The following ADCY8 variants were observed in gnomAD, a reference collection of about 807,000 sequenced individuals.
ADCY8 encodes adenylate cyclase 8.
A neutral mutation model predicts 119.7 loss-of-function variants in ADCY8; 51 were observed. The ratio of observed to expected loss-of-function variants is 0.43; its 90% confidence interval spans 0.34 to 0.54. The LOEUF is 0.54. Among genes scored for constraint, ADCY8 ranks in the 20% least tolerant of loss-of-function variants. ADCY8 has a pLI of 0.03. For synonymous variants in ADCY8, 665 were observed against 651.0 expected, an observed-to-expected ratio of 1.02 and a Z score of -0.33; for missense variants, 1,383 against 1,598.8, an observed-to-expected ratio of 0.87 and a Z score of 2.30.
intron 1 of ADCY8, among the ~76,000 whole-genome samples, chr8:131,036,703 A>G (rs1263988034): frequency 1.3e-5 from 2 of 152,206 alleles, no homozygotes; most frequent in Non-Finnish European, 2.9e-5. Context: ...TGGAACAATG[A>G]GAATGTGCCA....
intron 2 of ADCY8, among the ~76,000 whole-genome samples, chr8:130,980,295 T>G (rs1249661809): frequency 6.6e-6 from 1 of 152,196 alleles, no homozygotes; most frequent in Non-Finnish European, 1.5e-5. Flanking sequence ...AGATCACATT[T>G]TGAGGTTCGG....
At chr8:130,917,158 CCTGTG>C (rs1820154049) in intron 5 of ADCY8, among the ~76,000 whole-genome samples, 2 of 152,300 alleles carry the variant, frequency 1.3e-5, no homozygotes, top group Admixed American at 1.3e-4. Context: ...TATTACCTCT[CCTGTG>C]CTAGGCCTTT....
At chr8:130,874,501 G>A (rs1818488571) in intron 8 of ADCY8, among the ~76,000 whole-genome samples, 1 of 150,022 alleles carries the variant, frequency 6.7e-6, no homozygotes, top group African/African-American at 2.5e-5. Context: ...AGTGACAGGT[G>A]AGTGTGCAGA....
chr8:130,835,420 C>A (rs138794363), intron 12 of ADCY8, among the ~76,000 whole-genome samples: 1 of 152,200 alleles, frequency 6.6e-6, no homozygotes, highest in Non-Finnish European at 1.5e-5. Flanking sequence ...TTCCAAGGCA[C>A]CAGCTGAATC....
chr8:131,010,843 GC>G (rs1385477383), intron 1 of ADCY8, among the ~76,000 whole-genome samples: 1 of 152,196 alleles, frequency 6.6e-6, no homozygotes, highest in Non-Finnish European at 1.5e-5. Context: ...AGGAAATTTG[GC>G]TATCCTGGAC....
chr8:131,013,588 C>T (rs1336098183), intron 1 of ADCY8, among the ~76,000 whole-genome samples: 1 of 152,198 alleles, frequency 6.6e-6, no homozygotes, highest in East Asian at 1.9e-4. Flanking sequence ...CCATCTCCTC[C>T]TCCATAGCAG....
At chr8:130,997,743 T>C (rs577495959) in intron 1 of ADCY8, among the ~76,000 whole-genome samples, 1 of 152,276 alleles carries the variant, frequency 6.6e-6, no homozygotes, top group African/African-American at 2.4e-5. Context: ...TTGATGGAAA[T>C]ACCACTCCAT....
At chr8:130,935,648 C>CA (rs1820760785) in intron 5 of ADCY8, 1 of 152,198 alleles carries the variant, frequency 6.6e-6, no homozygotes, top group South Asian at 2.1e-4. Context: ...GACAGCACTC[C>CA]ACTTGAAGAC....
intron 16 of ADCY8, among the ~76,000 whole-genome samples, 183 bp downstream of exon 16, chr8:130,785,200 A>G (rs1038869786): frequency 2.0e-5 from 3 of 152,204 alleles, no homozygotes; most frequent in African/African-American, 4.8e-5. Context: ...GCGTGGCTTC[A>G]TCTGGTAGAC....
At chr8:130,831,229 T>A (rs1297996497) in intron 12 of ADCY8, among the ~76,000 whole-genome samples, 1 of 152,246 alleles carries the variant, frequency 6.6e-6, no homozygotes, top group African/African-American at 2.4e-5. Flanking sequence ...GAGCTAATGC[T>A]TCTTTCAGTC....
chr8:130,934,912 C>T (rs1250948301), intron 5 of ADCY8, among the ~76,000 whole-genome samples: 1 of 152,210 alleles, frequency 6.6e-6, no homozygotes, highest in East Asian at 1.9e-4. Flanking sequence ...ACTTGTACAT[C>T]TCCCGATTCC....
intron 8 of ADCY8, among the ~76,000 whole-genome samples, chr8:130,868,692 G>T (rs1818216823): frequency 6.6e-6 from 1 of 152,184 alleles, no homozygotes; most frequent in African/African-American, 2.4e-5. Flanking sequence ...AGGTGGGAAA[G>T]TTTTTAAAAC....
intron 5 of ADCY8, among the ~76,000 whole-genome samples, chr8:130,916,409 C>T (rs756717849): frequency 9.2e-5 from 14 of 152,210 alleles, no homozygotes; most frequent in Non-Finnish European, 1.2e-4. Flanking sequence ...AACCCTGATC[C>T]ATTCTATTGC....
At chr8:131,027,093 T>C (rs548433737) in intron 1 of ADCY8, among the ~76,000 whole-genome samples, 1 of 152,220 alleles carries the variant, frequency 6.6e-6, no homozygotes, top group African/African-American at 2.4e-5. Context: ...CAGTTCTGTC[T>C]CATTGAGAGT....
At chr8:130,942,757 T>A (rs182487752) in intron 4 of ADCY8, among the ~76,000 whole-genome samples, 1 of 152,362 alleles carries the variant, frequency 6.6e-6, no homozygotes, top group Admixed American at 6.5e-5. Flanking sequence ...TATTACTTCG[T>A]AACTCAAGTG....
In ADCY8 at chr8:130,909,858, C is replaced by T. The variant is rs764060103; in HGVS notation, c.1490G>A (p.Arg497Gln). 1.2e-5 allele frequency: 20 copies of T among 1,613,918 alleles called. No individual in the cohort carries two copies. Among genetic ancestry groups the T allele is most frequent in the African/African-American group, 4.0e-5 (3 of 74,872 alleles). Residue 497 changes from arginine to glutamine, a missense_variant, in exon 6 of 18, where the codon CGG becomes CAG. Physicochemically the swap from Arg to Gln is conservative, Grantham distance 43. Transcript: ENST00000286355. ...GTCAACATCGTGTTTTGTCCTTGAC[C>T]GCACATACCTGTTGACATAGGTAAA... is the stretch of plus-strand genomic sequence containing the variant. ...LSMIKTIRYV[R>Q]SRTKHDVDMR...
intron 2 of ADCY8, among the ~76,000 whole-genome samples, chr8:130,962,455 A>T (rs1482978132): frequency 6.6e-6 from 1 of 152,034 alleles, no homozygotes; most frequent in Non-Finnish European, 1.5e-5. Context: ...TTTCTCCCTG[A>T]GTTTTTCCAT....
intron 12 of ADCY8, among the ~76,000 whole-genome samples, chr8:130,832,898 C>T (rs1194781969): frequency 6.6e-6 from 1 of 152,216 alleles, no homozygotes. Context: ...TGTCTCCCCT[C>T]AAATTCATAT....
chr8:130,807,798 A>T (rs1816015188), intron 14 of ADCY8, among the ~76,000 whole-genome samples: 2 of 151,106 alleles, frequency 1.3e-5, no homozygotes, highest in Admixed American at 1.3e-4. Flanking sequence ...TCCCGGCTAA[A>T]ACGGTGAAAC....
Sources: allele counts gnomAD v4.1 joint callset (sites outside exome capture counted in the v4.1 genomes callset), GRCh38; gene constraint gnomAD v4.1.1; transcripts MANE v1.5; gene names NCBI Gene and HGNC (gene_info 2026-07-23, HGNC 2026-07-21).